Variants in FLRT2 observed in about 807,000 individuals in gnomAD.
FLRT2 encodes fibronectin leucine rich transmembrane protein 2.
Under a neutral mutation model 40.0 loss-of-function variants are expected in FLRT2, and 15 were observed. The observed-to-expected ratio is 0.38, with a 90% confidence interval of 0.25 to 0.58. The LOEUF (loss-of-function observed/expected upper bound fraction) is 0.58. Ranked by LOEUF, FLRT2 falls within the 20% of genes least tolerant of loss-of-function variation. FLRT2 has a pLI of 0.71. For synonymous variants in FLRT2, 380 were observed against 336.8 expected (o/e 1.13, Z -1.41); for missense variants, 726 against 840.0 (o/e 0.86, Z 1.68).
rs1218583276 is a variant in FLRT2 at position 85,651,429 on chromosome 14, A to G, written c.*27932A>G. The G allele has an allele frequency of 6.6e-6, 1 of 151,938 alleles. No individual in the cohort carries two copies. The highest frequency in any genetic ancestry group is 2.4e-5 in the African/African-American group (1 of 41,382). The allele number at this position is 151,938 out of a possible 1,614,324, so 9.4% of individuals were successfully genotyped here. ...ATCGCTTCATTTTATCTCTCATCAC[A>G]TTTTGTTTTTGTTTGTTTGTGCTGT... On this transcript the variant is annotated 3_prime_UTR_variant, in exon 2 of 2. Transcript: ENST00000330753.
At chr14:85,585,748 G>C (rs2046695345) in intron 1 of FLRT2, among the ~76,000 whole-genome samples, 1 of 151,990 alleles carries the variant, frequency 6.6e-6, no homozygotes, top group Non-Finnish European at 1.5e-5. Flanking sequence ...CTAAATGACA[G>C]GATATTTGGT....
chr14:85,570,509 A>G (rs549168818), intron 1 of FLRT2, among the ~76,000 whole-genome samples: 100 of 151,894 alleles, frequency 6.6e-4, no homozygotes, highest in African/African-American at 2.2e-3. Context: ...GCATAGTTTT[A>G]CAGACTTTTT....
rs1333644443 is a variant in FLRT2, at chr14:85,653,889, C to A, written c.*30392C>A. On this transcript the variant is annotated 3_prime_UTR_variant, in exon 2 of 2. Transcript: ENST00000330753. Reference sequence around the variant, plus strand: ...TGAAGAAAACATAGCAAAATTATACCTATTTTTTTAAATTGAAGTACAAAG... The same window carrying A: ...TGAAGAAAACATAGCAAAATTATACATATTTTTTTAAATTGAAGTACAAAG... 6.6e-6 allele frequency: 1 copy of A among 152,066 alleles called. No homozygotes were observed. The highest frequency in any genetic ancestry group is 2.4e-5 in the African/African-American group (1 of 41,428). The allele number at this position is 152,066 out of a possible 1,614,324, so 9.4% of individuals were successfully genotyped here.
At chr14:85,600,927 G>A (rs745497920) in intron 1 of FLRT2, among the ~76,000 whole-genome samples, 4 of 152,124 alleles carry the variant, frequency 2.6e-5, no homozygotes, top group African/African-American at 4.8e-5. Flanking sequence ...ATAGATGTTC[G>A]TTGAATGACA....
At chr14:85,562,413 A>T (rs1394102793) in intron 1 of FLRT2, among the ~76,000 whole-genome samples, 3 of 152,206 alleles carry the variant, frequency 2.0e-5, no homozygotes, top group Non-Finnish European at 4.4e-5. Flanking sequence ...AATCTCTGCC[A>T]CATTTTGGCT....
Position 85,633,148 on chromosome 14 carries a change from A to G in FLRT2, c.*9651A>G, listed in dbSNP as rs1893923611. On this transcript the variant is annotated 3_prime_UTR_variant, in exon 2 of 2. Coordinates refer to ENST00000330753, the MANE Select transcript of FLRT2 (RefSeq NM_013231.6). ...AGAGATGATCTATTTAAAGGTAATT[A>G]GCATTCAAAATTCCTCAAAACACTC... 6.6e-6 allele frequency: 1 copy of G among 152,242 alleles called. No individual in the cohort carries two copies. The highest frequency in any genetic ancestry group is 1.5e-5 in the Non-Finnish European group (1 of 68,038). The allele number at this position is 152,242 out of a possible 1,614,324, so 9.4% of individuals were successfully genotyped here. A position where few individuals can be genotyped will look rare whatever the true frequency, so the allele number is the denominator to read the frequency against.
At chr14:85,605,948 T>C (rs537026491) in intron 1 of FLRT2, among the ~76,000 whole-genome samples, 2 of 152,256 alleles carry the variant, frequency 1.3e-5, no homozygotes, top group South Asian at 4.1e-4. Flanking sequence ...TGCTTTATTA[T>C]ATTGAGATGA....
intron 1 of FLRT2, among the ~76,000 whole-genome samples, chr14:85,576,341 T>G: frequency 6.6e-6 from 1 of 152,166 alleles, no homozygotes; most frequent in East Asian, 1.9e-4. Flanking sequence ...CCTCAAAGTA[T>G]TTGGCTGTTT....
At chr14:85,600,389 G>A (rs1248561579) in intron 1 of FLRT2, among the ~76,000 whole-genome samples, 2 of 152,172 alleles carry the variant, frequency 1.3e-5, no homozygotes, top group Non-Finnish European at 2.9e-5. Flanking sequence ...TAAAGTGGTA[G>A]CATTTAATCA....
chr14:85,609,031 G>A (rs1047218468), intron 1 of FLRT2, among the ~76,000 whole-genome samples: 13 of 152,178 alleles, frequency 8.5e-5, no homozygotes, highest in African/African-American at 3.1e-4. Context: ...GCAGTGCAGG[G>A]ATAACTGGTC....
chr14:85,578,186 AT>A (rs1170831970), intron 1 of FLRT2, among the ~76,000 whole-genome samples: 1 of 140,926 alleles, frequency 7.1e-6, no homozygotes, highest in Admixed American at 7.0e-5. Flanking sequence ...ATCTTTATAT[AT>A]ATTTATATAT....
chr14:85,546,682 A>G (rs1889298122), intron 1 of FLRT2, among the ~76,000 whole-genome samples: 1 of 152,158 alleles, frequency 6.6e-6, no homozygotes, highest in Non-Finnish European at 1.5e-5. Flanking sequence ...ACCTTAACAT[A>G]CCAATGTCTC....
At chr14:85,592,507 G>C (rs1478742545) in intron 1 of FLRT2, among the ~76,000 whole-genome samples, 1 of 152,092 alleles carries the variant, frequency 6.6e-6, no homozygotes, top group Non-Finnish European at 1.5e-5. Context: ...TCTGGAATCA[G>C]CCGGGTGCAG....
intron 1 of FLRT2, among the ~76,000 whole-genome samples, chr14:85,573,728 T>A (rs1341391446): frequency 2.0e-5 from 3 of 152,238 alleles, no homozygotes; most frequent in Non-Finnish European, 2.9e-5. Context: ...AGGGTGAGAA[T>A]GATTTTCCCC....
chr14:85,613,773 G>A (rs2139356775), intron 1 of FLRT2, among the ~76,000 whole-genome samples: 1 of 152,212 alleles, frequency 6.6e-6, no homozygotes, highest in African/African-American at 2.4e-5. Context: ...TTAGGAGCAG[G>A]CCCTGCAGCC....
Position 85,640,728 on chromosome 14 carries a change from A to C in FLRT2, c.*17231A>C, listed in dbSNP as rs1490129913. On this transcript the variant is annotated 3_prime_UTR_variant, in exon 2 of 2. Coordinates refer to ENST00000330753, the MANE Select transcript of FLRT2 (RefSeq NM_013231.6). ...TAGAGTCGAGCATCTCTGCAAAGAG[A>C]TTTGAGCCCCTTGAGTAGAACATAG... The C allele has an allele frequency of 6.6e-6, 1 of 152,200 alleles. No homozygotes were observed. The highest frequency in any genetic ancestry group is 2.4e-5 in the African/African-American group (1 of 41,434). The allele number at this position is 152,200 out of a possible 1,614,324, so 9.4% of individuals were successfully genotyped here.
intron 1 of FLRT2, among the ~76,000 whole-genome samples, chr14:85,582,020 A>C (rs1566738881): frequency 6.6e-6 from 1 of 152,160 alleles, no homozygotes; most frequent in Non-Finnish European, 1.5e-5. Flanking sequence ...TTATCTTTCC[A>C]TACAGTGAGG....
Position 85,651,261 on chromosome 14 carries a change from T to TTGTGTG in FLRT2, c.*27788_*27793dup, listed in dbSNP as rs201674807. The TTGTGTG allele has an allele frequency of 1.1e-4, 12 of 105,254 alleles. No homozygotes were observed. The highest frequency in any genetic ancestry group is 2.7e-4 in the African/African-American group (9 of 33,288). The allele number at this position is 105,254 out of a possible 1,614,324, so 6.5% of individuals were successfully genotyped here. A position where few individuals can be genotyped will look rare whatever the true frequency, so the allele number is the denominator to read the frequency against. On this transcript the variant is annotated 3_prime_UTR_variant, in exon 2 of 2. Coordinates refer to ENST00000330753, the MANE Select transcript of FLRT2 (RefSeq NM_013231.6). ...CATAGCCTGGAAAGTATTCGTTTGT[T>TTGTGTG]TGTGTGTGTGTGTGTGTGTGTGTGT...
At chr14:85,603,540 T>C (rs1209882758) in intron 1 of FLRT2, among the ~76,000 whole-genome samples, 1 of 152,176 alleles carries the variant, frequency 6.6e-6, no homozygotes, top group Non-Finnish European at 1.5e-5. Flanking sequence ...ATTCTTACCT[T>C]TCTTTCTTTT....
Sources: gnomAD v4.1 joint callset for allele counts (sites outside exome capture counted in the v4.1 genomes callset) on GRCh38, gnomAD v4.1.1 for gene constraint, MANE v1.5 for transcripts, NCBI Gene and HGNC (gene_info 2026-07-23, HGNC 2026-07-21) for gene names.